Variants in SLC15A4 observed in about 807,000 individuals in gnomAD.
SLC15A4 encodes the protein solute carrier family 15 member 4.
In SLC15A4, 26 loss-of-function variants were observed where a neutral mutation model predicts 46.1. That is an observed-to-expected ratio of 0.56 (90% CI 0.41 to 0.78). The LOEUF is 0.78. Among genes scored for constraint, SLC15A4 ranks in the 30% least tolerant of loss-of-function variants. The probability of loss-of-function intolerance (pLI) is 0.00; values close to 1 mark genes in which losing one functional copy is unlikely to be tolerated. For missense variants in SLC15A4, 751 were observed against 755.7 expected, an observed-to-expected ratio of 0.99 and a Z score of 0.07; for synonymous variants, 370 against 333.4, an observed-to-expected ratio of 1.11 and a Z score of -1.20.
chr12:128,795,786 T>C (rs1420882150), intron 7 of SLC15A4, among the ~76,000 whole-genome samples: 1 of 152,160 alleles, frequency 6.6e-6, no homozygotes, highest in Non-Finnish European at 1.5e-5. Context: ...CCAAGCCGAG[T>C]GTCGCCCTGT....
chr12:128,811,272 C>A lies in SLC15A4; in HGVS notation c.843-1161G>T, dbSNP rs113008918. Among the ~76,000 whole-genome samples, 1,044 of 152,318 alleles carry A rather than the reference C, an allele frequency of 6.9e-3. 10 individuals are homozygous for A. The highest frequency in any genetic ancestry group is 0.024 in the African/African-American group (990 of 41,554). On this transcript the variant is annotated intron_variant, in intron 2 of 7. Coordinates refer to ENST00000266771, the MANE Select transcript of SLC15A4 (RefSeq NM_145648.4). Reference sequence around the variant, plus strand: ...CTGTGGGAAGCCAACAGAAATGGCACCTGTCAGCCTTCTAGTTTATTAACT... The same window carrying A: ...CTGTGGGAAGCCAACAGAAATGGCAACTGTCAGCCTTCTAGTTTATTAACT...
Position 128,823,515 on chromosome 12 carries a change from C to T in SLC15A4, c.429G>A (p.Ala143=). 1.3e-6 allele frequency: 2 copies of T among 1,481,778 alleles called. No individual in the cohort carries two copies. Among genetic ancestry groups the T allele is most frequent in the Non-Finnish European group, 1.8e-6 (2 of 1,123,298 alleles). 91.8% of individuals were successfully genotyped at this position (1,481,778 alleles called of 1,614,324 possible). ...CGSARLLNCT[A]PGPDAAARCC... ...AGCGGGCGGCGGCGTCGGGACCAGG[C>T]GCCGTGCAGTTGAGCAGGCGCGCGG... is the stretch of plus-strand genomic sequence containing the variant. The change falls in exon 1 of 8, where the codon GCG becomes GCA. Residue 143 remains alanine (A), a synonymous_variant. Transcript: ENST00000266771.
chr12:128,799,098 G>A (rs1412675676), intron 7 of SLC15A4, among the ~76,000 whole-genome samples, 161 bp downstream of exon 7: 1 of 152,162 alleles, frequency 6.6e-6, no homozygotes, highest in Non-Finnish European at 1.5e-5. Flanking sequence ...GAAACACAGT[G>A]ATGCAAGCAG....
intron 3 of SLC15A4, 74 bp from the exon 4 acceptor site, chr12:128,809,547 C>T (rs1172801260): frequency 3.3e-6 from 3 of 904,710 alleles, no homozygotes; most frequent in African/African-American, 3.3e-5. Context: ...CTGCCCCTCC[C>T]CTAAGCTAGA....
intron 6 of SLC15A4, 23 bp downstream of exon 6, chr12:128,800,831 C>T (rs777504317): frequency 1.3e-6 from 2 of 1,596,878 alleles, no homozygotes; most frequent in Admixed American, 3.5e-5. Flanking sequence ...GACTCAGACA[C>T]CTCCGGCACT....
intron 3 of SLC15A4, 195 bp downstream of exon 3, chr12:128,809,748 T>C (rs551757835): frequency 8.2e-5 from 46 of 561,828 alleles, no homozygotes; most frequent in Admixed American, 2.5e-4. Flanking sequence ...TCTCAGCTTC[T>C]TTTTCAGAGA....
chr12:128,815,325 T>C, intron 1 of SLC15A4: 1 of 423,692 alleles, frequency 2.4e-6, no homozygotes, highest in Non-Finnish European at 4.4e-6. Flanking sequence ...TTTTTCCAAG[T>C]ATATTCTGCT....
intron 1 of SLC15A4, among the ~76,000 whole-genome samples, chr12:128,816,742 G>A (rs1955756380): frequency 1.3e-5 from 2 of 152,254 alleles, no homozygotes; most frequent in South Asian, 4.2e-4. Flanking sequence ...TGAGGTGGGA[G>A]GATCCCTTGA....
In SLC15A4 at chr12:128,816,695, G is replaced by A. The variant is rs78295349; in HGVS notation, c.547-1625C>T. Among the ~76,000 whole-genome samples, 77 of 152,224 alleles carry A rather than the reference G, an allele frequency of 5.1e-4. 1 individual carries two copies. In the East Asian group the frequency reaches 0.011, roughly 21 times the overall value. On this transcript the variant is annotated intron_variant, in intron 1 of 7. Transcript: ENST00000266771. ...AAAATTACAAACATCAGCCAGGTGC[G>A]GTGGTGTGCGCCTACAGTCCCAGCT... is the stretch of plus-strand genomic sequence containing the variant.
chr12:128,800,778 C>T, intron 6 of SLC15A4, 76 bp downstream of exon 6: 4 of 1,446,558 alleles, frequency 2.8e-6, no homozygotes, highest in South Asian at 1.4e-5. Context: ...CAACATATTC[C>T]AACAGCACAG....
At chr12:128,814,398 C>A in intron 2 of SLC15A4, 1 of 195,858 alleles carries the variant, frequency 5.1e-6, no homozygotes, top group Non-Finnish European at 1.1e-5. Flanking sequence ...GTTTTTCATT[C>A]AAATGTATTT....
chr12:128,794,325 G>GT lies in SLC15A4; in HGVS notation c.1604dup (p.Tyr535Ter), dbSNP rs1566042538. ...GNINGCYLNY[Y>*]FFLLAAIQGA... The stretch of plus-strand genomic sequence containing the variant: ...CTTGAATAGCAGCCAGAAGAAAAAA[G>GT]TAATAGTTCAAATAGCAGCCGTTAA... The change falls in exon 8 of 8, where the codon TAC (tyrosine) becomes TAAC (stop). Residue 535 changes from tyrosine (Y) to a stop codon, truncating the protein, a stop_gained and frameshift_variant. Coordinates refer to ENST00000266771, the MANE Select transcript of SLC15A4 (RefSeq NM_145648.4). LOFTEE classifies it high-confidence loss of function. 6.3e-7 allele frequency: 1 copy of GT among 1,594,564 alleles called. No individual in the cohort carries two copies. The highest frequency in any genetic ancestry group is 1.7e-5 in the Admixed American group (1 of 59,216).
intron 1 of SLC15A4, among the ~76,000 whole-genome samples, chr12:128,818,366 G>C (rs959213999): frequency 1.3e-5 from 2 of 152,208 alleles, no homozygotes; most frequent in Non-Finnish European, 2.9e-5. Context: ...CTACCTGGGA[G>C]ATGAAGAGGT....
intron 7 of SLC15A4, among the ~76,000 whole-genome samples, chr12:128,797,074 G>C (rs563472317): frequency 2.0e-5 from 3 of 152,296 alleles, no homozygotes; most frequent in South Asian, 4.1e-4. Flanking sequence ...AATTACACAG[G>C]AAGATGGCAA....
intron 1 of SLC15A4, among the ~76,000 whole-genome samples, chr12:128,818,878 G>C (rs1453158096): frequency 6.6e-6 from 1 of 152,126 alleles, no homozygotes; most frequent in African/African-American, 2.4e-5. Context: ...GGCCTTATGT[G>C]TCTGGCTTCC....
intron 2 of SLC15A4, among the ~76,000 whole-genome samples, chr12:128,811,923 C>G (rs530272700): frequency 6.6e-6 from 1 of 152,192 alleles, no homozygotes; most frequent in African/African-American, 2.4e-5. Context: ...GGGTCCAACA[C>G]GAAGCCACGG....
At chr12:128,795,652 C>A (rs1955434800) in intron 7 of SLC15A4, among the ~76,000 whole-genome samples, 1 of 152,246 alleles carries the variant, frequency 6.6e-6, no homozygotes, top group Non-Finnish European at 1.5e-5. Context: ...AACTGGCAGT[C>A]TCTCCGCCAG....
At chr12:128,817,083 A>T (rs1593016236) in intron 1 of SLC15A4, among the ~76,000 whole-genome samples, 1 of 152,224 alleles carries the variant, frequency 6.6e-6, no homozygotes, top group East Asian at 1.9e-4. Context: ...ATATAGTAAC[A>T]CCACTTCAAA....
intron 5 of SLC15A4, 53 bp downstream of exon 5, chr12:128,808,735 T>G (rs1332340804): frequency 2.1e-5 from 33 of 1,586,476 alleles, no homozygotes; most frequent in African/African-American, 4.0e-5. Context: ...ATATTCTGAA[T>G]CCACAACTGC....
Sources: allele counts gnomAD v4.1 joint callset (sites outside exome capture counted in the v4.1 genomes callset), GRCh38; gene constraint gnomAD v4.1.1; transcripts MANE v1.5; gene names NCBI Gene and HGNC (gene_info 2026-07-23, HGNC 2026-07-21).